The following LOX variants were observed in gnomAD, a reference collection of about 807,000 sequenced individuals.
LOX encodes the protein protein-lysine 6-oxidase.
LOX carries 12 observed loss-of-function variants against 50.5 expected under a neutral mutation model. That is an observed-to-expected ratio of 0.24 (90% CI 0.15 to 0.38). The LOEUF (loss-of-function observed/expected upper bound fraction) is 0.38, where lower values mean the gene tolerates loss of function less well. Ranked by LOEUF, LOX falls within the 10% of genes least tolerant of loss-of-function variation. The pLI is 1.00. For synonymous variants in LOX, 254 were observed against 230.6 expected (o/e 1.10, Z -0.92); for missense variants, 504 against 563.8 (o/e 0.89, Z 1.07).
In LOX at chr5:122,077,320, G is replaced by A. The variant is rs1754666958; in HGVS notation, c.631+35C>T. On this transcript the variant is annotated intron_variant, in intron 1 of 6. Transcript: ENST00000231004. The surrounding 1 kb of genome is among the most constrained non-coding windows in gnomAD (Gnocchi z 4.9). ...GAAGCCACATAGCTGGGGACCAGGT[G>A]CACGGGTGCTTCCAGCGGACTTGGG... is the stretch of plus-strand genomic sequence containing the variant. 1 of 1,612,972 alleles carries A rather than the reference G, an allele frequency of 6.2e-7. No homozygotes were observed. The highest frequency in any genetic ancestry group is 8.5e-7 in the Non-Finnish European group (1 of 1,179,804).
chr5:122,076,900 G>A lies in LOX; in HGVS notation c.733C>T (p.Leu245=), dbSNP rs770041782. The change falls in exon 2 of 7, where the codon CTG becomes TTG. Residue 245 remains leucine (L), a synonymous_variant. Coordinates refer to ENST00000231004, the MANE Select transcript of LOX (RefSeq NM_002317.7). ...NLRCAAEENC[L]ASTAYRADVR... ...AGACATATCAGCCCGTACCTGGCCA[G>A]ACAGTTTTCCTCCGCCGCGCATCTC... 2 of 1,614,020 alleles carry A rather than the reference G, an allele frequency of 1.2e-6. No homozygotes were observed. Among genetic ancestry groups the A allele is most frequent in the East Asian group, 4.5e-5 (2 of 44,870 alleles).
chr5:122,063,371 G>A lies in LOX; in HGVS notation c.*3372C>T, dbSNP rs1754217592. On this transcript the variant is annotated 3_prime_UTR_variant, in exon 7 of 7. Coordinates refer to ENST00000231004, the MANE Select transcript of LOX (RefSeq NM_002317.7). ...ACAAATAACATTCCTGAAAAATTTG[G>A]GAGAAGCTAAAACTTCACTAAAAAC... The A allele has an allele frequency of 6.6e-6, 1 of 151,778 alleles. No homozygotes were observed. Among genetic ancestry groups the A allele is most frequent in the African/African-American group, 2.4e-5 (1 of 41,356 alleles). 9.4% of individuals were successfully genotyped at this position (151,778 alleles called of 1,614,324 possible).
Position 122,077,464 on chromosome 5 carries a change from G to A in LOX, c.522C>T (p.Pro174=), listed in dbSNP as rs764844537. ...DGMVGDDPYN[P]YKYSDDNPYY... ...AAGGGTTGTCGTCAGAGTACTTGTA[G>A]GGGTTGTAAGGGTCGTCGCCCACCA... Residue 174 remains proline (P), a synonymous_variant, in exon 1 of 7, where the codon CCC becomes CCT. Transcript: ENST00000231004. This position sits in a 1 kb window ranked among gnomAD's most constrained non-coding sequence, Gnocchi z 4.9. 1.9e-6 allele frequency: 3 copies of A among 1,614,100 alleles called. No individual in the cohort carries two copies. In the Admixed American group the frequency reaches 5.0e-5, roughly 27 times the overall value.
rs909546559 is a variant in LOX at position 122,065,246 on chromosome 5, A to T, written c.*1497T>A. 4.6e-5 allele frequency: 7 copies of T among 152,054 alleles called. No homozygotes were observed. Among genetic ancestry groups the T allele is most frequent in the African/African-American group, 1.7e-4 (7 of 41,424 alleles). 9.4% of individuals were successfully genotyped at this position (152,054 alleles called of 1,614,324 possible). ...ACCCAGTGAGTGCAGAATGATTACT[A>T]GTAATTGATGTTGACTTTACAATTC... is the stretch of plus-strand genomic sequence containing the variant. On this transcript the variant is annotated 3_prime_UTR_variant, in exon 7 of 7. Transcript: ENST00000231004.
rs1057012925 is a variant in LOX, at chr5:122,064,715, A to G, written c.*2028T>C. ...TTTAATACTTATTGAGGTTATAGAC[A>G]GTCTTTTTTATGTCTCAATGCATAC... On this transcript the variant is annotated 3_prime_UTR_variant, in exon 7 of 7. Transcript: ENST00000231004. The G allele has an allele frequency of 6.6e-6, 1 of 152,004 alleles. No individual in the cohort carries two copies. Among genetic ancestry groups the G allele is most frequent in the Non-Finnish European group, 1.5e-5 (1 of 67,956 alleles). 9.4% of individuals were successfully genotyped at this position (152,004 alleles called of 1,614,324 possible). A position where few individuals can be genotyped will look rare whatever the true frequency, so the allele number is the denominator to read the frequency against.
intron 3 of LOX, 62 bp from the exon 4 acceptor site, chr5:122,074,231 T>A (rs1754548407): frequency 7.2e-7 from 1 of 1,397,692 alleles, no homozygotes; most frequent in Non-Finnish European, 1.0e-6. Context: ...AATGAAGATA[T>A]TAAATGACTT....
chr5:122,069,928 T>C (rs1754402016), intron 6 of LOX, 125 bp downstream of exon 6: 1 of 773,280 alleles, frequency 1.3e-6, no homozygotes, highest in Non-Finnish European at 2.4e-6. Context: ...TACCATTTTC[T>C]GCCTTTGGTC....
At position 122,064,783 on chromosome 5, in the gene LOX, G is replaced by A. The variant is rs1256356750; in HGVS notation, c.*1960C>T. ...TATATTAGGCCTTCAAATGATGATGGATGGATAGACAGATAAAAGGCCCAA... is the reference window on the plus strand; with the variant it reads ...TATATTAGGCCTTCAAATGATGATGAATGGATAGACAGATAAAAGGCCCAA... On this transcript the variant is annotated 3_prime_UTR_variant, in exon 7 of 7. Coordinates refer to ENST00000231004, the MANE Select transcript of LOX (RefSeq NM_002317.7). The A allele has an allele frequency of 2.6e-5, 4 of 151,910 alleles. No homozygotes were observed. The highest frequency in any genetic ancestry group is 4.1e-4 in the South Asian group (2 of 4,830). 9.4% of individuals were successfully genotyped at this position (151,910 alleles called of 1,614,324 possible).
At chr5:122,073,676 C>A (rs966877094) in intron 4 of LOX, among the ~76,000 whole-genome samples, 2 of 152,086 alleles carry the variant, frequency 1.3e-5, no homozygotes, top group African/African-American at 4.8e-5. Context: ...GTAACAAGGA[C>A]CCACACTGAC....
chr5:122,066,374 G>A lies in LOX; in HGVS notation c.*369C>T, dbSNP rs1754297871. 1 of 194,140 alleles carries A rather than the reference G, an allele frequency of 5.2e-6. No individual in the cohort carries two copies. Among genetic ancestry groups the A allele is most frequent in the African/African-American group, 2.3e-5 (1 of 42,862 alleles). The allele number at this position is 194,140 out of a possible 1,614,324, so 12.0% of individuals were successfully genotyped here. A position where few individuals can be genotyped will look rare whatever the true frequency, so the allele number is the denominator to read the frequency against. The stretch of plus-strand genomic sequence containing the variant: ...ACTAAAGTTCCAGCACTTTAGAAAA[G>A]TTTCAGTTCAAAGTCATTTTGGCTC... On this transcript the variant is annotated 3_prime_UTR_variant, in exon 7 of 7. Coordinates refer to ENST00000231004, the MANE Select transcript of LOX (RefSeq NM_002317.7).
chr5:122,077,359 C>T lies in LOX; in HGVS notation c.627G>A (p.Gln209=), dbSNP rs1288015676. 1.2e-5 allele frequency: 19 copies of T among 1,613,804 alleles called. No individual in the cohort carries two copies. Among genetic ancestry groups the T allele is most frequent in the Non-Finnish European group, 1.5e-5 (18 of 1,179,986 alleles). ...YRPGYGTGYF[Q]YGLPDLVADP... is the part of the protein sequence containing the mutation. ...AGCGGACTTGGGGGTACTTACCGTA[C>T]TGGAAGTAGCCAGTGCCGTATCCGG... Residue 209 remains glutamine (Q), a synonymous_variant, in exon 1 of 7, where the codon CAG becomes CAA. Transcript: ENST00000231004. The surrounding 1 kb of genome is among the most constrained non-coding windows in gnomAD (Gnocchi z 4.9).
intron 4 of LOX, among the ~76,000 whole-genome samples, chr5:122,072,293 CA>C (rs1376880204): frequency 6.6e-6 from 1 of 152,090 alleles, no homozygotes; most frequent in Non-Finnish European, 1.5e-5. Context: ...CACAAGCAAG[CA>C]AAAACGAGTT....
In LOX at chr5:122,070,761, A is replaced by G. The variant is rs537394507; in HGVS notation, c.1036-172T>C. The stretch of plus-strand genomic sequence containing the variant: ...AGTATTTATTACTCAGCCTTATAGC[A>G]CCTCCAGCTAAAAAAGATACAGGAC... On this transcript the variant is annotated intron_variant, in intron 4 of 6. Coordinates refer to ENST00000231004, the MANE Select transcript of LOX (RefSeq NM_002317.7). 6.4e-6 allele frequency: 3 copies of G among 465,430 alleles called. No homozygotes were observed. The East Asian group carries it at 9.5e-5, about 15-fold the overall frequency. The allele number at this position is 465,430 out of a possible 1,614,324, so 28.8% of individuals were successfully genotyped here.
chr5:122,077,690 G>C lies in LOX; in HGVS notation c.296C>G (p.Thr99Ser). Residue 99 changes from threonine (T) to serine (S), a missense_variant, in exon 1 of 7, where the codon ACC (threonine) becomes AGC (serine). Coordinates refer to ENST00000231004, the MANE Select transcript of LOX (RefSeq NM_002317.7). This position sits in a 1 kb window ranked among gnomAD's most constrained non-coding sequence, Gnocchi z 4.9. ...TPILLIRDNRTAAARTRTAGS... is the reference protein window; with the variant it reads ...TPILLIRDNRSAAARTRTAGS... Reference sequence around the variant, plus strand: ...GGCCGTCCGCGTTCGCGCCGCGGCGGTGCGGTTGTCGCGGATCAGCAGGAT... The same window carrying C: ...GGCCGTCCGCGTTCGCGCCGCGGCGCTGCGGTTGTCGCGGATCAGCAGGAT... 1 of 1,599,224 alleles carries C rather than the reference G, an allele frequency of 6.3e-7. No homozygotes were observed. Among genetic ancestry groups the C allele is most frequent in the East Asian group, 2.2e-5 (1 of 44,454 alleles).
At position 122,066,746 on chromosome 5, in the gene LOX, A is replaced by G; in HGVS notation, c.1251T>C (p.Tyr417=). Residue 417 remains tyrosine, a synonymous_variant, in exon 7 of 7, where the codon TAT becomes TAC. Transcript: ENST00000231004. ...AYASGCTISP[Y] The stretch of plus-strand genomic sequence containing the variant: ...ATTGGGAGTTTTGCTTTGCCTTCTA[A>G]TACCTAGATTAAGAAGACAAAATAA... 1 of 1,597,334 alleles carries G rather than the reference A, an allele frequency of 6.3e-7. No homozygotes were observed. Among genetic ancestry groups the G allele is most frequent in the Non-Finnish European group, 8.6e-7 (1 of 1,165,406 alleles).
chr5:122,068,973 A>G (rs1754378866), intron 6 of LOX, among the ~76,000 whole-genome samples: 1 of 152,106 alleles, frequency 6.6e-6, no homozygotes, highest in East Asian at 1.9e-4. Flanking sequence ...CCAACTCCAC[A>G]CAATATGGGC....
chr5:122,068,817 TGAA>T (rs1754372138), intron 6 of LOX, among the ~76,000 whole-genome samples: 2 of 151,916 alleles, frequency 1.3e-5, no homozygotes, highest in South Asian at 4.2e-4. Context: ...AGAGTGCAAA[TGAA>T]TAAATAAATG....
At position 122,066,218 on chromosome 5, in the gene LOX, C is replaced by G. The variant is rs1439181912; in HGVS notation, c.*525G>C. The G allele has an allele frequency of 6.6e-6, 1 of 152,190 alleles. No individual in the cohort carries two copies. The highest frequency in any genetic ancestry group is 1.9e-4 in the East Asian group (1 of 5,190). 9.4% of individuals were successfully genotyped at this position (152,190 alleles called of 1,614,324 possible). ...ATTTCTCTGCTATATAGTAATATTT[C>G]TTGACACCAATGGTAATGTGTTTGT... On this transcript the variant is annotated 3_prime_UTR_variant, in exon 7 of 7. Coordinates refer to ENST00000231004, the MANE Select transcript of LOX (RefSeq NM_002317.7).
intron 6 of LOX, among the ~76,000 whole-genome samples, chr5:122,067,466 C>G (rs2152585350): frequency 6.6e-6 from 1 of 152,178 alleles, no homozygotes; most frequent in Admixed American, 6.5e-5. Flanking sequence ...CAACAGAATG[C>G]TCTTAAATAT....
Sources: gnomAD v4.1 joint callset for allele counts (sites outside exome capture counted in the v4.1 genomes callset) on GRCh38, gnomAD v4.1.1 for gene constraint, Gnocchi (gnomAD v3.1) non-coding constraint, MANE v1.5 for transcripts, NCBI Gene and HGNC (gene_info 2026-07-23, HGNC 2026-07-21) for gene names.